The following NTM variants were observed in gnomAD, a reference collection of about 807,000 sequenced individuals.
NTM encodes the protein IgLON family member 2.
NTM carries 13 observed loss-of-function variants against 42.1 expected under a neutral mutation model. That is an observed-to-expected ratio of 0.31 (90% CI 0.20 to 0.49). The LOEUF (loss-of-function observed/expected upper bound fraction) is 0.49. Among genes scored for constraint, NTM ranks in the 20% least tolerant of loss-of-function variants. The pLI is 0.99. For synonymous variants in NTM, 187 were observed against 179.2 expected (o/e 1.04, Z -0.35); for missense variants, 373 against 452.8 (o/e 0.82, Z 1.60).
chr11:131,788,278 A>G lies in NTM; in HGVS notation c.83-123286A>G, dbSNP rs2089598628. Among the ~76,000 whole-genome samples the G allele has an allele frequency of 1.3e-5, 2 of 152,028 alleles. 1 individual carries two copies. Among genetic ancestry groups the G allele is most frequent in the South Asian group, 4.2e-4 (2 of 4,816 alleles). ...TTTTTTATGAACTATGCCAACTTAA[A>G]AAAATTTATTACTCTTTCCCATTAT... On this transcript the variant is annotated intron_variant, in intron 1 of 8. Coordinates refer to ENST00000683400, the MANE Select transcript of NTM (RefSeq NM_001352005.2).
At chr11:131,767,847 T>C (rs2085364559) in intron 1 of NTM, among the ~76,000 whole-genome samples, 1 of 152,048 alleles carries the variant, frequency 6.6e-6, no homozygotes, top group Admixed American at 6.6e-5. Flanking sequence ...TCATGAGACA[T>C]CCAAGCGAGG....
chr11:132,005,718 C>G (rs1400165063), intron 2 of NTM, among the ~76,000 whole-genome samples: 1 of 152,064 alleles, frequency 6.6e-6, no homozygotes, highest in Non-Finnish European at 1.5e-5. Context: ...TTCCTTTTCT[C>G]TTTTTGAGAG....
At chr11:132,314,980 G>A (rs2095388920) in intron 7 of NTM, 1 of 1,185,724 alleles carries the variant, frequency 8.4e-7, no homozygotes, top group East Asian at 3.5e-5. Context: ...TCTCAGAAGT[G>A]GGAAAAGGAA....
At chr11:131,758,936 C>T (rs1406577247) in intron 1 of NTM, among the ~76,000 whole-genome samples, 1 of 152,124 alleles carries the variant, frequency 6.6e-6, no homozygotes, top group Admixed American at 6.5e-5. Flanking sequence ...GATGATTCAT[C>T]AAAGAAGCCG....
chr11:131,435,776 A>T (rs1240585314), intron 1 of NTM, among the ~76,000 whole-genome samples: 1 of 152,104 alleles, frequency 6.6e-6, no homozygotes, highest in Non-Finnish European at 1.5e-5. Context: ...AATACCCTTT[A>T]TTTCTTTCTC....
intron 5 of NTM, 45 bp downstream of exon 5, chr11:132,307,868 G>A: frequency 1.3e-6 from 2 of 1,595,076 alleles, no homozygotes; most frequent in Non-Finnish European, 1.7e-6. Context: ...CATCAGGCTG[G>A]CCTGTTGTCA....
chr11:131,796,127 G>T, intron 1 of NTM: 2 of 985,430 alleles, frequency 2.0e-6, no homozygotes, highest in Non-Finnish European at 1.2e-6. Context: ...GCCACAGGAA[G>T]TTGAAGGACT....
intron 1 of NTM, among the ~76,000 whole-genome samples, chr11:131,434,754 A>T (rs796477387): frequency 7.2e-5 from 11 of 152,214 alleles, no homozygotes; most frequent in African/African-American, 1.9e-4. Flanking sequence ...ATTCACTCTG[A>T]TGGTAGTTTA....
chr11:131,441,250 G>A (rs1487692261), intron 1 of NTM, among the ~76,000 whole-genome samples: 1 of 152,190 alleles, frequency 6.6e-6, no homozygotes, highest in Non-Finnish European at 1.5e-5. Context: ...GACCGTGAAT[G>A]TGCCATTATC....
At chr11:131,655,013 C>T (rs959331624) in intron 1 of NTM, among the ~76,000 whole-genome samples, 1 of 152,182 alleles carries the variant, frequency 6.6e-6, no homozygotes, top group Non-Finnish European at 1.5e-5. Context: ...GCCTGGGGCT[C>T]GCACCTGTGT....
At chr11:131,407,123 A>G (rs558154053) in intron 1 of NTM, among the ~76,000 whole-genome samples, 113 of 152,276 alleles carry the variant, frequency 7.4e-4, no homozygotes, top group African/African-American at 2.7e-3. Flanking sequence ...GAGCCAGACC[A>G]ACTAACTCCA....
At chr11:132,313,620 G>A (rs1253089398) in intron 6 of NTM, among the ~76,000 whole-genome samples, 1 of 152,198 alleles carries the variant, frequency 6.6e-6, no homozygotes, top group African/African-American at 2.4e-5. Flanking sequence ...AAGGAAAGTA[G>A]GTGGTATCCA....
chr11:131,472,487 A>C (rs2136185973), intron 1 of NTM, among the ~76,000 whole-genome samples: 2 of 152,070 alleles, frequency 1.3e-5, no homozygotes, highest in South Asian at 4.2e-4. Flanking sequence ...ATGTGTGTGA[A>C]TGTGTGTGTG....
chr11:131,663,526 G>A (rs2068466078), intron 1 of NTM: 1 of 152,448 alleles, frequency 6.6e-6, no homozygotes. Context: ...AGGCCACTGA[G>A]AGGGTTTCTG....
intron 1 of NTM, among the ~76,000 whole-genome samples, chr11:131,686,095 T>TACAGGCC (rs1188043961): frequency 1.5e-4 from 23 of 152,174 alleles, no homozygotes; most frequent in Admixed American, 1.4e-3. Flanking sequence ...ACCAGAGAGC[T>TACAGGCC]ACAGGCCACA....
At chr11:131,417,875 C>G (rs1947114892) in intron 1 of NTM, among the ~76,000 whole-genome samples, 1 of 152,136 alleles carries the variant, frequency 6.6e-6, no homozygotes, top group South Asian at 2.1e-4. Context: ...CCTAGAAGTC[C>G]CTTTGGCAGT....
chr11:132,033,756 C>T (rs1166168475), intron 2 of NTM, among the ~76,000 whole-genome samples: 8 of 152,122 alleles, frequency 5.3e-5, no homozygotes, highest in Admixed American at 2.0e-4. Context: ...CCTGGGATCT[C>T]GCTTGGTTCT....
At chr11:132,284,177 T>C (rs1379764190) in intron 4 of NTM, 1 of 152,184 alleles carries the variant, frequency 6.6e-6, no homozygotes, top group Non-Finnish European at 1.5e-5. Context: ...CCCTCCCTAT[T>C]CTGGGCTTTC....
chr11:131,959,893 A>C (rs980060866), intron 2 of NTM, among the ~76,000 whole-genome samples: 1 of 152,208 alleles, frequency 6.6e-6, no homozygotes, highest in Admixed American at 6.5e-5. Context: ...AACAAAAGGG[A>C]AAGTTTTCCT....
Sources: allele counts gnomAD v4.1 joint callset (sites outside exome capture counted in the v4.1 genomes callset), GRCh38; gene constraint gnomAD v4.1.1; transcripts MANE v1.5; gene names NCBI Gene and HGNC (gene_info 2026-07-23, HGNC 2026-07-21).